The following WDFY2 variants were observed in gnomAD, a reference collection of about 807,000 sequenced individuals.
The protein encoded by WDFY2 is WD repeat and FYVE domain containing 2.
Under a neutral mutation model 56.4 loss-of-function variants are expected in WDFY2, and 36 were observed. The ratio of observed to expected loss-of-function variants is 0.64; its 90% CI spans 0.49 to 0.84. The LOEUF (loss-of-function observed/expected upper bound fraction) is 0.84, where lower values mean the gene tolerates loss of function less well. Among genes scored for constraint, WDFY2 ranks in the 40% least tolerant of loss-of-function variants. WDFY2 has a pLI of 0.00. For missense variants in WDFY2, 444 were observed against 512.2 expected (o/e 0.87, Z 1.29); for synonymous variants, 176 against 183.7 (o/e 0.96, Z 0.34).
At chr13:51,726,980 A>G (rs561230030) in intron 5 of WDFY2, among the ~76,000 whole-genome samples, 12 of 152,280 alleles carry the variant, frequency 7.9e-5, no homozygotes, top group Middle Eastern at 3.4e-3. Flanking sequence ...TCCCACTCCA[A>G]GGTTACAAAG....
intron 4 of WDFY2, among the ~76,000 whole-genome samples, chr13:51,705,571 G>GTT (rs879920120): frequency 5.0e-5 from 7 of 141,102 alleles, no homozygotes; most frequent in African/African-American, 1.8e-4. Context: ...TTTTTTCTTT[G>GTT]TTTTTTTTTT....
At chr13:51,702,087 G>A (rs369597557) in intron 3 of WDFY2, among the ~76,000 whole-genome samples, 4 of 152,090 alleles carry the variant, frequency 2.6e-5, no homozygotes, top group Non-Finnish European at 4.4e-5. Flanking sequence ...CGAGGTGGGC[G>A]GATCACCTGA....
intron 1 of WDFY2, among the ~76,000 whole-genome samples, chr13:51,658,112 C>G (rs867003141): frequency 6.6e-6 from 1 of 152,124 alleles, no homozygotes; most frequent in Non-Finnish European, 1.5e-5. Flanking sequence ...ATATAATTCT[C>G]CCTCTCCAGA....
At chr13:51,725,550 C>T (rs560817021) in intron 5 of WDFY2, among the ~76,000 whole-genome samples, 8 of 151,872 alleles carry the variant, frequency 5.3e-5, no homozygotes, top group South Asian at 2.1e-4. Flanking sequence ...TAAAGGCACT[C>T]GAAATTGTTC....
chr13:51,651,848 G>A (rs1169204224), intron 1 of WDFY2, among the ~76,000 whole-genome samples: 2 of 152,162 alleles, frequency 1.3e-5, no homozygotes, highest in African/African-American at 4.8e-5. Context: ...AATAGGTGTG[G>A]TGTGGTGCTG....
rs60572558 is a variant in WDFY2 at position 51,658,250 on chromosome 13, A to G, written c.138-2346A>G. Among the ~76,000 whole-genome samples, 460 of 152,328 alleles carry G rather than the reference A, an allele frequency of 3.0e-3. 2 individuals are homozygous for G. Among genetic ancestry groups the G allele is most frequent in the African/African-American group, 0.011 (442 of 41,584 alleles). ...GAGGTCTCTGTTCTGTTATGTCTAA[A>G]GTCAGCCAGTGATTTCCTTAAATGC... is the stretch of plus-strand genomic sequence containing the variant. On this transcript the variant is annotated intron_variant, in intron 1 of 11. Coordinates refer to ENST00000298125, the MANE Select transcript of WDFY2 (RefSeq NM_052950.4).
chr13:51,688,509 A>G (rs1036661315), intron 3 of WDFY2, among the ~76,000 whole-genome samples: 1 of 152,170 alleles, frequency 6.6e-6, no homozygotes, highest in African/African-American at 2.4e-5. Flanking sequence ...GCAACATACA[A>G]CCAAGTAAGC....
At chr13:51,649,127 A>G (rs1288679424) in intron 1 of WDFY2, among the ~76,000 whole-genome samples, 1 of 152,250 alleles carries the variant, frequency 6.6e-6, no homozygotes, top group Non-Finnish European at 1.5e-5. Flanking sequence ...AGCCTGGGCA[A>G]CAGAGTGAGA....
chr13:51,694,226 A>G (rs536676299), intron 3 of WDFY2, among the ~76,000 whole-genome samples: 51 of 152,278 alleles, frequency 3.3e-4, no homozygotes, highest in African/African-American at 1.2e-3. Flanking sequence ...TCCTGTCATT[A>G]TGATGTTAGC....
chr13:51,681,567 T>C (rs1955977194), intron 3 of WDFY2, among the ~76,000 whole-genome samples: 1 of 152,206 alleles, frequency 6.6e-6, no homozygotes, highest in African/African-American at 2.4e-5. Context: ...AGTCATTTTA[T>C]CATTCTGAGT....
At chr13:51,713,193 A>G (rs1952263838) in intron 4 of WDFY2, among the ~76,000 whole-genome samples, 1 of 152,264 alleles carries the variant, frequency 6.6e-6, no homozygotes, top group Non-Finnish European at 1.5e-5. Flanking sequence ...ATAGGCCATC[A>G]TTCTTTATGA....
intron 4 of WDFY2, among the ~76,000 whole-genome samples, chr13:51,718,557 CAT>C (rs1262151358): frequency 8.5e-6 from 1 of 117,556 alleles, no homozygotes; most frequent in Admixed American, 9.4e-5. Context: ...TATTATCATT[CAT>C]ACACACACAC....
intron 1 of WDFY2, among the ~76,000 whole-genome samples, chr13:51,611,166 G>A (rs546550717): frequency 6.6e-6 from 1 of 152,222 alleles, no homozygotes; most frequent in South Asian, 2.1e-4. Flanking sequence ...GTTCACTGAT[G>A]TATCCCCAGT....
chr13:51,657,479 C>A (rs1955531098), intron 1 of WDFY2, among the ~76,000 whole-genome samples: 1 of 152,046 alleles, frequency 6.6e-6, no homozygotes, highest in Non-Finnish European at 1.5e-5. Context: ...TAATGAATTT[C>A]ATTAGCTTTT....
At chr13:51,651,093 C>A (rs1399867677) in intron 1 of WDFY2, among the ~76,000 whole-genome samples, 1 of 152,112 alleles carries the variant, frequency 6.6e-6, no homozygotes, top group Non-Finnish European at 1.5e-5. Flanking sequence ...AATTTCAGAG[C>A]CTCTTATTGG....
Position 51,756,398 on chromosome 13 carries a change from CT to C in WDFY2, c.1001del (p.Leu334ArgfsTer8), listed in dbSNP as rs759088150. The C allele has an allele frequency of 2.2e-5, 36 of 1,614,174 alleles. 1 individual carries two copies. In the South Asian group the frequency reaches 3.8e-4, roughly 17 times the overall value. ...KCSSKRSSIP[L>X]MGFEFEVRVC... The stretch of plus-strand genomic sequence containing the variant: ...CAGCTCCAAGCGCTCCTCCATCCCC[CT>C]GATGGGCTTCGAGTTTGAAGTGAGG... On this transcript the variant is annotated frameshift_variant, in exon 10 of 12. Transcript: ENST00000298125. LOFTEE classifies it high-confidence loss of function.
At chr13:51,660,219 C>T (rs145615917) in intron 1 of WDFY2, among the ~76,000 whole-genome samples, 56 of 151,480 alleles carry the variant, frequency 3.7e-4, no homozygotes, top group Admixed American at 9.9e-4. Flanking sequence ...TTTTTTAAGA[C>T]GGAGTTTCTC....
intron 1 of WDFY2, among the ~76,000 whole-genome samples, chr13:51,620,084 C>T (rs1045111524): frequency 5.3e-5 from 8 of 152,148 alleles, no homozygotes; most frequent in Admixed American, 2.0e-4. Flanking sequence ...GGGGAGGCAG[C>T]GCCCAAATCT....
intron 1 of WDFY2, among the ~76,000 whole-genome samples, chr13:51,612,641 A>G (rs776273350): frequency 1.3e-5 from 2 of 152,188 alleles, no homozygotes; most frequent in Non-Finnish European, 1.5e-5. Context: ...TAACTAACCA[A>G]TGCTTTGGAC....
Sources: allele counts gnomAD v4.1 joint callset (sites outside exome capture counted in the v4.1 genomes callset), GRCh38; gene constraint gnomAD v4.1.1; transcripts MANE v1.5; gene names NCBI Gene and HGNC (gene_info 2026-07-23, HGNC 2026-07-21).